ZPBP: variants seen among roughly 807,000 people sequenced by gnomAD.
ZPBP encodes zona pellucida-binding protein 1.
In ZPBP, 26 loss-of-function variants were observed where a neutral mutation model predicts 44.8. The observed-to-expected ratio is 0.58, with a 90% CI of 0.43 to 0.81. The LOEUF (loss-of-function observed/expected upper bound fraction) is 0.81, where lower values mean the gene tolerates loss of function less well. ZPBP is among the 30% of genes least tolerant of loss of function. The pLI is 0.00. For synonymous variants in ZPBP, 174 were observed against 153.2 expected (o/e 1.14, Z -1.00); for missense variants, 409 against 434.0 (o/e 0.94, Z 0.51).
chr7:49,858,797 A>T (rs1388107865), intron 2 of ZPBP, among the ~76,000 whole-genome samples: 1 of 152,238 alleles, frequency 6.6e-6, no homozygotes. Context: ...GATAGTATTA[A>T]AAATGTTACT....
At position 49,873,333 on chromosome 7, in the gene ZPBP, C is replaced by T. The variant is rs541814837; in HGVS notation, n.510-22819G>A. Among the ~76,000 whole-genome samples, 6 of 152,246 alleles carry T rather than the reference C, an allele frequency of 3.9e-5. No homozygotes were observed. In the South Asian group the frequency reaches 1.2e-3, roughly 32 times the overall value. On this transcript the variant is annotated intron_variant and non_coding_transcript_variant, in intron 2 of 2. Transcript: ENST00000465922. ...CCTGGTTCATGGATGGCCCCTTCTC[C>T]CTATGTCCACCTTGTAATGGAGGGA...
At chr7:49,875,114 G>A (rs1298226003) in intron 2 of ZPBP, among the ~76,000 whole-genome samples, 1 of 151,320 alleles carries the variant, frequency 6.6e-6, no homozygotes. Context: ...GCTCATGCCT[G>A]TAATCCCAGC....
chr7:49,844,979 G>A, the ZPBP span, among the ~76,000 whole-genome samples: 1 of 152,244 alleles, frequency 6.6e-6, no homozygotes, highest in African/African-American at 2.4e-5. Flanking sequence ...CACCGCACCC[G>A]GCCGGCAATT....
chr7:50,030,906 T>C (rs1562857734), intron 5 of ZPBP, among the ~76,000 whole-genome samples, 186 bp downstream of exon 5: 2 of 152,204 alleles, frequency 1.3e-5, no homozygotes, highest in Admixed American at 6.5e-5. Flanking sequence ...AACTTTTCAT[T>C]AGTACACGAA....
At chr7:49,859,249 G>A (rs985708839) in intron 2 of ZPBP, among the ~76,000 whole-genome samples, 1 of 152,132 alleles carries the variant, frequency 6.6e-6, no homozygotes, top group African/African-American at 2.4e-5. Flanking sequence ...CATTTGGGGG[G>A]TTCTTCTTTT....
At chr7:49,955,514 G>C (rs530099616) in intron 7 of ZPBP, among the ~76,000 whole-genome samples, 2 of 152,054 alleles carry the variant, frequency 1.3e-5, no homozygotes, top group Non-Finnish European at 2.9e-5. Context: ...CTGAGATCAC[G>C]CCACTGCACT....
chr7:50,086,028 A>G (rs1419006324), intron 2 of ZPBP, among the ~76,000 whole-genome samples: 1 of 152,116 alleles, frequency 6.6e-6, no homozygotes, highest in Non-Finnish European at 1.5e-5. Flanking sequence ...ACGTGCACAA[A>G]GACACCCTCA....
At chr7:50,050,077 T>C (rs187703414) in intron 4 of ZPBP, among the ~76,000 whole-genome samples, 5 of 152,022 alleles carry the variant, frequency 3.3e-5, no homozygotes, top group Middle Eastern at 3.4e-3. Context: ...TAACAAAACA[T>C]GTATATGCAA....
At chr7:50,036,967 CTAAT>C (rs565798091) in intron 4 of ZPBP, among the ~76,000 whole-genome samples, 2 of 151,832 alleles carry the variant, frequency 1.3e-5, no homozygotes, top group South Asian at 4.2e-4. Context: ...AAAAAATGTA[CTAAT>C]TAACAGAAAA....
chr7:49,943,449 T>C, intron 7 of ZPBP: 1 of 447,322 alleles, frequency 2.2e-6, no homozygotes, highest in Non-Finnish European at 4.4e-6. Context: ...AACACTATGT[T>C]TATATCACAG....
intron 6 of ZPBP, among the ~76,000 whole-genome samples, chr7:50,006,156 G>A (rs922197180): frequency 3.3e-5 from 5 of 151,596 alleles, no homozygotes; most frequent in African/African-American, 1.2e-4. Context: ...GAGCAAATAT[G>A]GACAGAATTG....
At chr7:50,073,139 GAAGAAACTCA>G (rs1481281132) in intron 3 of ZPBP, among the ~76,000 whole-genome samples, 3 of 152,062 alleles carry the variant, frequency 2.0e-5, no homozygotes, top group East Asian at 1.9e-4. Flanking sequence ...TAGCTATGTT[GAAGAAACTCA>G]AAGAAATTCA....
chr7:49,938,085 A>C (rs1794687197), intron 7 of ZPBP, among the ~76,000 whole-genome samples: 1 of 152,136 alleles, frequency 6.6e-6, no homozygotes, highest in South Asian at 2.1e-4. Context: ...CTGGTTCCTA[A>C]CAGGACATAG....
intron 1 of ZPBP, chr7:49,912,385 G>C (rs1793501194): frequency 2.0e-6 from 1 of 510,154 alleles, no homozygotes; most frequent in African/African-American, 1.9e-5. Flanking sequence ...AAGAACTTTG[G>C]GCATAAAATC....
intron 6 of ZPBP, among the ~76,000 whole-genome samples, chr7:50,002,872 C>A (rs1469118767): frequency 1.3e-5 from 2 of 152,066 alleles, no homozygotes; most frequent in African/African-American, 4.8e-5. Flanking sequence ...CAGCACCCAA[C>A]AAGGTAAAAA....
chr7:49,982,241 T>A (rs1797031168), intron 7 of ZPBP, among the ~76,000 whole-genome samples: 1 of 106,496 alleles, frequency 9.4e-6, no homozygotes, highest in Non-Finnish European at 1.8e-5. Context: ...TATAATATAA[T>A]TATATTATAT....
At chr7:50,022,989 A>G (rs1036627030) in intron 5 of ZPBP, among the ~76,000 whole-genome samples, 2 of 152,082 alleles carry the variant, frequency 1.3e-5, no homozygotes, top group African/African-American at 2.4e-5. Flanking sequence ...CAGGGTTAAG[A>G]CTGGAGGAAA....
At chr7:49,855,943 A>T (rs1407537844) in intron 2 of ZPBP, among the ~76,000 whole-genome samples, 1 of 152,136 alleles carries the variant, frequency 6.6e-6, no homozygotes, top group African/African-American at 2.4e-5. Flanking sequence ...CCACTGAGAG[A>T]CACTAAGCCC....
chr7:50,010,418 C>CA (rs759278340), intron 6 of ZPBP, among the ~76,000 whole-genome samples: 391 of 143,804 alleles, frequency 2.7e-3, no homozygotes, highest in Non-Finnish European at 3.0e-3. Flanking sequence ...CATCCATAGG[C>CA]AAAAAAAAAA....
Sources: allele counts gnomAD v4.1 joint callset (sites outside exome capture counted in the v4.1 genomes callset), GRCh38; gene constraint gnomAD v4.1.1; transcripts MANE v1.5; gene names NCBI Gene and HGNC (gene_info 2026-07-23, HGNC 2026-07-21).